Variants in NR2F1-AS1 observed in about 807,000 individuals in gnomAD.
NR2F1-AS1 encodes the protein NR2F1 antisense RNA 1.
chr5:93,523,290 C>T (rs1270806750), intron 4 of NR2F1-AS1, among the ~76,000 whole-genome samples: 1 of 152,170 alleles, frequency 6.6e-6, no homozygotes, highest in African/African-American at 2.4e-5. Context: ...AGCCAGACTG[C>T]CCTTCTGGAT....
chr5:93,495,173 C>G (rs1051570482), intron 4 of NR2F1-AS1, among the ~76,000 whole-genome samples: 1 of 152,084 alleles, frequency 6.6e-6, no homozygotes, highest in Non-Finnish European at 1.5e-5. Flanking sequence ...ATTATACTTA[C>G]ATGGATTTAA....
chr5:93,417,206 A>T (rs1042825185), intron 4 of NR2F1-AS1, among the ~76,000 whole-genome samples: 2 of 152,244 alleles, frequency 1.3e-5, no homozygotes, highest in African/African-American at 4.8e-5. Flanking sequence ...GCAAAGCTTT[A>T]GTTCAGAGAC....
intron 4 of NR2F1-AS1, among the ~76,000 whole-genome samples, chr5:93,413,104 GTGTA>G (rs1748894113): frequency 7.0e-6 from 1 of 142,140 alleles, no homozygotes; most frequent in Non-Finnish European, 1.5e-5. Context: ...GTGTGTGTGT[GTGTA>G]TGCAATTAGA....
chr5:93,509,573 C>G (rs1395564061), intron 4 of NR2F1-AS1, among the ~76,000 whole-genome samples: 1 of 151,954 alleles, frequency 6.6e-6, no homozygotes, highest in African/African-American at 2.4e-5. Context: ...GTGGTTATCT[C>G]TGGAGAAGTA....
intron 1 of NR2F1-AS1, among the ~76,000 whole-genome samples, chr5:93,578,200 C>G (rs1268051370): frequency 6.6e-6 from 1 of 152,174 alleles, no homozygotes; most frequent in African/African-American, 2.4e-5. Context: ...GAATGTGCAG[C>G]CAAACCGATC....
intron 1 of NR2F1-AS1, among the ~76,000 whole-genome samples, chr5:93,577,595 A>G (rs1254186238): frequency 6.6e-6 from 1 of 152,182 alleles, no homozygotes; most frequent in Non-Finnish European, 1.5e-5. Context: ...AAAACATTAG[A>G]TGGGCATTCC....
At chr5:93,419,723 T>C (rs1216138286) in intron 4 of NR2F1-AS1, among the ~76,000 whole-genome samples, 1 of 152,228 alleles carries the variant, frequency 6.6e-6, no homozygotes, top group African/African-American at 2.4e-5. Context: ...TGTTGAGGTT[T>C]CTAAAGGATT....
chr5:93,507,149 A>G (rs1751201800), intron 4 of NR2F1-AS1, among the ~76,000 whole-genome samples: 1 of 152,196 alleles, frequency 6.6e-6, no homozygotes, highest in Non-Finnish European at 1.5e-5. Context: ...ACATCCATAT[A>G]TTATATTAAG....
At chr5:93,466,236 C>A (rs1750228753) in intron 4 of NR2F1-AS1, among the ~76,000 whole-genome samples, 1 of 151,944 alleles carries the variant, frequency 6.6e-6, no homozygotes, top group Non-Finnish European at 1.5e-5. Context: ...ATGTTTCCTC[C>A]AATAATATCC....
intron 4 of NR2F1-AS1, chr5:93,544,056 A>T (rs1752019431): frequency 6.6e-6 from 1 of 152,226 alleles, no homozygotes; most frequent in Non-Finnish European, 1.5e-5. Flanking sequence ...ATGGGAAAGG[A>T]GGGACTAAGT....
chr5:93,501,299 T>A (rs993213452), intron 4 of NR2F1-AS1, among the ~76,000 whole-genome samples: 2 of 135,790 alleles, frequency 1.5e-5, no homozygotes, highest in Admixed American at 7.0e-5. Context: ...AAGTGAGTTG[T>A]TTTTTTTTTT....
intron 4 of NR2F1-AS1, among the ~76,000 whole-genome samples, chr5:93,476,925 A>G (rs114266136): frequency 6.6e-6 from 1 of 152,312 alleles, no homozygotes; most frequent in Non-Finnish European, 1.5e-5. Flanking sequence ...TATAGGCCTT[A>G]GAGGTAATTG....
intron 1 of NR2F1-AS1, among the ~76,000 whole-genome samples, chr5:93,568,762 A>G (rs1182071980): frequency 1.3e-5 from 2 of 152,168 alleles, no homozygotes; most frequent in African/African-American, 4.8e-5. Flanking sequence ...TATTGATTTA[A>G]TAAGGTTAGA....
chr5:93,527,315 A>G (rs1377677459), intron 4 of NR2F1-AS1, among the ~76,000 whole-genome samples: 1 of 152,212 alleles, frequency 6.6e-6, no homozygotes, highest in East Asian at 1.9e-4. Flanking sequence ...TTCAAGGAGA[A>G]CTACAAACCA....
intron 4 of NR2F1-AS1, among the ~76,000 whole-genome samples, chr5:93,476,786 C>T (rs1279582707): frequency 6.6e-6 from 1 of 151,980 alleles, no homozygotes; most frequent in Non-Finnish European, 1.5e-5. Flanking sequence ...TTTTTCAGAA[C>T]TCCTAACTCT....
At chr5:93,519,490 C>T (rs904556107) in intron 4 of NR2F1-AS1, among the ~76,000 whole-genome samples, 4 of 151,966 alleles carry the variant, frequency 2.6e-5, no homozygotes, top group African/African-American at 9.7e-5. Context: ...CTGCATGATG[C>T]TGAAAGGACC....
intron 4 of NR2F1-AS1, among the ~76,000 whole-genome samples, chr5:93,523,674 C>T (rs1248889193): frequency 2.0e-5 from 3 of 152,214 alleles, no homozygotes; most frequent in African/African-American, 4.8e-5. Context: ...GCAATCTTTG[C>T]TGTTCTGCAG....
chr5:93,538,107 A>T (rs746751074), intron 4 of NR2F1-AS1, among the ~76,000 whole-genome samples: 1 of 152,168 alleles, frequency 6.6e-6, no homozygotes, highest in Admixed American at 6.6e-5. Context: ...GATGGACTCC[A>T]GCCACATACA....
intron 4 of NR2F1-AS1, among the ~76,000 whole-genome samples, chr5:93,518,738 T>C (rs1004341978): frequency 7.9e-5 from 12 of 152,046 alleles, no homozygotes; most frequent in South Asian, 4.1e-4. Context: ...GGTATTTAAG[T>C]ATATAAAAAC....
Sources: allele counts gnomAD v4.1 joint callset (sites outside exome capture counted in the v4.1 genomes callset), GRCh38; gene constraint gnomAD v4.1.1; transcripts MANE v1.5; gene names NCBI Gene and HGNC (gene_info 2026-07-23, HGNC 2026-07-21).